The following BTBD9 variants were observed in gnomAD, a reference collection of about 807,000 sequenced individuals.
The protein encoded by BTBD9 is BTB/POZ domain-containing protein 9.
In BTBD9, 49 loss-of-function variants were observed where a neutral mutation model predicts 64.3. The observed-to-expected ratio is 0.76, with a 90% CI of 0.61 to 0.97. BTBD9 has a LOEUF of 0.97. Among genes scored for constraint, BTBD9 ranks in the 50% least tolerant of loss-of-function variants. The probability of loss-of-function intolerance (pLI) is 0.00; values close to 1 mark genes in which losing one functional copy is unlikely to be tolerated. For missense variants in BTBD9, 598 were observed against 762.1 expected (o/e 0.78, Z 2.53); for synonymous variants, 260 against 274.7 (o/e 0.95, Z 0.53).
chr6:38,479,198 C>G (rs2127378165), intron 6 of BTBD9, among the ~76,000 whole-genome samples: 1 of 152,268 alleles, frequency 6.6e-6, no homozygotes, highest in African/African-American at 2.4e-5. Context: ...GTCAGTGGAA[C>G]CTGACAGGCG....
At chr6:38,531,035 G>C (rs1311657334) in intron 6 of BTBD9, among the ~76,000 whole-genome samples, 1 of 152,110 alleles carries the variant, frequency 6.6e-6, no homozygotes, top group Non-Finnish European at 1.5e-5. Flanking sequence ...GTTTTAAGGG[G>C]TGGGGGTAGA....
At chr6:38,219,515 A>G (rs1763129416) in intron 9 of BTBD9, among the ~76,000 whole-genome samples, 1 of 151,768 alleles carries the variant, frequency 6.6e-6, no homozygotes, top group South Asian at 2.1e-4. Flanking sequence ...TCCACTTTCA[A>G]CTTTCTGAGT....
intron 6 of BTBD9, among the ~76,000 whole-genome samples, chr6:38,382,185 A>G (rs867987635): frequency 6.6e-6 from 1 of 152,182 alleles, no homozygotes; most frequent in Non-Finnish European, 1.5e-5. Context: ...ACTATCTCCC[A>G]CAACACCTTA....
At chr6:38,201,695 G>C (rs1762466587) in intron 9 of BTBD9, among the ~76,000 whole-genome samples, 1 of 152,156 alleles carries the variant, frequency 6.6e-6, no homozygotes. Flanking sequence ...AAAGACCAAA[G>C]GATTCCACCC....
intron 6 of BTBD9, among the ~76,000 whole-genome samples, chr6:38,565,513 C>A (rs1414562034): frequency 6.6e-6 from 1 of 152,168 alleles, no homozygotes; most frequent in Non-Finnish European, 1.5e-5. Flanking sequence ...TTGAGGCTAA[C>A]TCGACTTTCA....
At position 38,256,489 on chromosome 6, in the gene BTBD9, T is replaced by C; in HGVS notation, c.1482A>G (p.Arg494=). The C allele has an allele frequency of 6.2e-7, 1 of 1,613,862 alleles. No homozygotes were observed. The highest frequency in any genetic ancestry group is 1.1e-5 in the South Asian group (1 of 91,074). The change falls in exon 9 of 11, where the codon CGA becomes CGG. Residue 494 remains arginine, a synonymous_variant. Transcript: ENST00000481247. ...AAACCTCAACGTAGTAGCTATAGCT[T>C]CGATCATCACAATCCCAAAGTAGTA... ...IRLLLWDCDD[R]SYSYYVEVST... is the part of the protein sequence containing the mutation.
intron 6 of BTBD9, among the ~76,000 whole-genome samples, chr6:38,422,639 G>A (rs1582404215): frequency 6.6e-6 from 1 of 152,094 alleles, no homozygotes; most frequent in African/African-American, 2.4e-5. Context: ...AACATTCTAA[G>A]ACTATATCTT....
intron 9 of BTBD9, among the ~76,000 whole-genome samples, chr6:38,229,528 C>T (rs764538073): frequency 2.6e-5 from 4 of 152,102 alleles, no homozygotes; most frequent in Non-Finnish European, 5.9e-5. Context: ...TGCACAGGTG[C>T]CCAGGCGTGT....
At chr6:38,372,972 A>T (rs1765485104) in intron 6 of BTBD9, among the ~76,000 whole-genome samples, 1 of 152,034 alleles carries the variant, frequency 6.6e-6, no homozygotes, top group African/African-American at 2.4e-5. Context: ...GCAAGCATGC[A>T]TTTCCTTTTT....
intron 6 of BTBD9, among the ~76,000 whole-genome samples, chr6:38,409,984 T>C (rs1183529459): frequency 1.3e-5 from 2 of 152,180 alleles, no homozygotes; most frequent in Non-Finnish European, 2.9e-5. Flanking sequence ...AATTCTGTAA[T>C]CATTTTCTAG....
At chr6:38,343,935 T>C (rs1764191108) in intron 7 of BTBD9, among the ~76,000 whole-genome samples, 1 of 152,244 alleles carries the variant, frequency 6.6e-6, no homozygotes, top group Middle Eastern at 3.2e-3. Flanking sequence ...TACACTCATC[T>C]TTCCCATTAT....
intron 9 of BTBD9, among the ~76,000 whole-genome samples, chr6:38,252,472 AATC>A (rs1764435932): frequency 6.6e-6 from 1 of 152,196 alleles, no homozygotes; most frequent in Non-Finnish European, 1.5e-5. Flanking sequence ...ATAAACATAA[AATC>A]ATAACCTCTG....
At chr6:38,341,352 A>G (rs1420585798) in intron 7 of BTBD9, among the ~76,000 whole-genome samples, 1 of 151,974 alleles carries the variant, frequency 6.6e-6, no homozygotes, top group Non-Finnish European at 1.5e-5. Flanking sequence ...TGTGTATAAT[A>G]AAGTATTTAT....
rs944161372 is a variant in BTBD9 at position 38,294,116 on chromosome 6, G to A, written c.1265-5655C>T. The stretch of plus-strand genomic sequence containing the variant: ...GAGAAATGCAAATCAAAACCACAAC[G>A]AGATACCATCTCATGCCAGTTAGAA... On this transcript the variant is annotated intron_variant, in intron 7 of 10. Transcript: ENST00000481247. Among the ~76,000 whole-genome samples the A allele has an allele frequency of 3.3e-5, 5 of 152,228 alleles. No individual in the cohort carries two copies. In the East Asian group the frequency reaches 7.7e-4, roughly 23 times the overall value.
At chr6:38,474,095 TAATGA>T (rs1770773353) in intron 6 of BTBD9, among the ~76,000 whole-genome samples, 1 of 152,182 alleles carries the variant, frequency 6.6e-6, no homozygotes, top group Non-Finnish European at 1.5e-5. Flanking sequence ...TACTTCCATA[TAATGA>T]GAAGCTTAAT....
intron 6 of BTBD9, among the ~76,000 whole-genome samples, chr6:38,528,881 T>C (rs1172924093): frequency 1.3e-5 from 2 of 152,174 alleles, no homozygotes; most frequent in African/African-American, 4.8e-5. Context: ...CAGGAAGAGA[T>C]CCTTTCTGCT....
At chr6:38,249,687 A>G (rs1313920720) in intron 9 of BTBD9, among the ~76,000 whole-genome samples, 1 of 151,624 alleles carries the variant, frequency 6.6e-6, no homozygotes, top group African/African-American at 2.4e-5. Context: ...TCTTTGTAGC[A>G]GTCAACACAA....
intron 9 of BTBD9, among the ~76,000 whole-genome samples, chr6:38,237,139 C>T (rs574126453): frequency 2.0e-5 from 3 of 152,284 alleles, no homozygotes; most frequent in South Asian, 2.1e-4. Flanking sequence ...TAAGCAGACA[C>T]GGAAAGCAAA....
At chr6:38,482,842 C>G (rs1168079238) in intron 6 of BTBD9, among the ~76,000 whole-genome samples, 1 of 152,166 alleles carries the variant, frequency 6.6e-6, no homozygotes, top group Admixed American at 6.5e-5. Flanking sequence ...GGCACAAGCA[C>G]TGTCAACATG....
Sources: gnomAD v4.1 joint callset for allele counts (sites outside exome capture counted in the v4.1 genomes callset) on GRCh38, gnomAD v4.1.1 for gene constraint, MANE v1.5 for transcripts, NCBI Gene and HGNC (gene_info 2026-07-23, HGNC 2026-07-21) for gene names.